The following NFYA variants were observed in gnomAD, a reference collection of about 807,000 sequenced individuals.
NFYA encodes CAAT-box DNA binding protein subunit A.
NFYA carries 28 observed loss-of-function variants against 52.8 expected under a neutral mutation model. That is an observed-to-expected ratio of 0.53 (90% CI 0.39 to 0.73). The LOEUF is 0.73. Among genes scored for constraint, NFYA ranks in the 30% least tolerant of loss-of-function variants. The probability of loss-of-function intolerance (pLI) is 0.00; values close to 1 mark genes in which losing one functional copy is unlikely to be tolerated. For synonymous variants in NFYA, 150 were observed against 150.7 expected (o/e 1.00, Z 0.03); for missense variants, 234 against 427.0 (o/e 0.55, Z 3.98).
In NFYA at chr6:41,101,526, G is replaced by T. The variant is rs1287444485; in HGVS notation, c.*4116G>T. 6.6e-6 allele frequency among the ~76,000 whole-genome samples: 1 copy of T among 152,062 alleles called. No individual in the cohort carries two copies. Among genetic ancestry groups the T allele is most frequent in the Admixed American group, 6.6e-5 (1 of 15,258 alleles). ...GCGTTCTGTTTCAATTATTTTATTC[G>T]TTCAGTTAATTCGTTCTTGGCGTCA... On this transcript the variant is annotated 3_prime_UTR_variant, in exon 10 of 10. Transcript: ENST00000341376.
intron 3 of NFYA, among the ~76,000 whole-genome samples, chr6:41,083,834 T>A (rs919078871): frequency 6.6e-6 from 1 of 152,238 alleles, no homozygotes; most frequent in Non-Finnish European, 1.5e-5. Flanking sequence ...TATTCTCCAT[T>A]ATGTCTGACC....
chr6:41,089,783 A>G lies in NFYA; in HGVS notation c.441+73A>G, dbSNP rs1178182617. 3.9e-6 allele frequency: 6 copies of G among 1,531,104 alleles called. No homozygotes were observed. In the East Asian group the frequency reaches 9.1e-5, roughly 23 times the overall value. The allele number at this position is 1,531,104 out of a possible 1,614,324, so 94.8% of individuals were successfully genotyped here. A position where few individuals can be genotyped will look rare whatever the true frequency, so the allele number is the denominator to read the frequency against. ...GTCAGATAACTGAGTCAGATATTTC[A>G]TGTATAGCATGTATAGTAGAAAAGG... On this transcript the variant is annotated intron_variant, in intron 5 of 9. Coordinates refer to ENST00000341376, the MANE Select transcript of NFYA (RefSeq NM_002505.5).
intron 4 of NFYA, among the ~76,000 whole-genome samples, chr6:41,085,225 C>G (rs1764012665): frequency 6.6e-6 from 1 of 152,194 alleles, no homozygotes; most frequent in South Asian, 2.1e-4. Flanking sequence ...AGAATCTGTC[C>G]TATAGGAAGA....
chr6:41,095,109 T>C (rs1451233437), intron 9 of NFYA, among the ~76,000 whole-genome samples: 2 of 152,188 alleles, frequency 1.3e-5, no homozygotes, highest in Non-Finnish European at 2.9e-5. Context: ...CACATCCTAG[T>C]GTGATCTTTT....
rs1024684451 is a variant in NFYA, at chr6:41,089,845, C to T, written c.441+135C>T. 47 of 1,243,906 alleles carry T rather than the reference C, an allele frequency of 3.8e-5. No homozygotes were observed. The African/African-American group carries it at 3.8e-4, about 10-fold the overall frequency. The allele number at this position is 1,243,906 out of a possible 1,614,324, so 77.1% of individuals were successfully genotyped here. A position where few individuals can be genotyped will look rare whatever the true frequency, so the allele number is the denominator to read the frequency against. On this transcript the variant is annotated intron_variant, in intron 5 of 9. Coordinates refer to ENST00000341376, the MANE Select transcript of NFYA (RefSeq NM_002505.5). ...ATAAAAAAATATATTTTTGGCCGGG[C>T]GCGGTGGCTCATGCCTGTAATCCCA...
At chr6:41,078,538 G>GT (rs1389390000) in intron 1 of NFYA, among the ~76,000 whole-genome samples, 1 of 152,084 alleles carries the variant, frequency 6.6e-6, no homozygotes, top group Non-Finnish European at 1.5e-5. Context: ...ATATCATTCA[G>GT]TTTATCTAAT....
chr6:41,077,488 C>T (rs2114085747), intron 1 of NFYA, among the ~76,000 whole-genome samples: 1 of 152,198 alleles, frequency 6.6e-6, no homozygotes, highest in South Asian at 2.1e-4. Context: ...TAAATGGAAT[C>T]ATATATATTC....
At chr6:41,082,914 A>G (rs1168304847) in intron 3 of NFYA, among the ~76,000 whole-genome samples, 3 of 152,312 alleles carry the variant, frequency 2.0e-5, no homozygotes, top group African/African-American at 4.8e-5. Flanking sequence ...ATTCTAATAC[A>G]TTAGTGGTGG....
In NFYA at chr6:41,100,058, G is replaced by C. The variant is rs1764457773; in HGVS notation, c.*2648G>C. ...TTGAAATTTTGATCTCCCCCGACAA[G>C]ACTTGTCTGCATGGACGGTGTCTCT... On this transcript the variant is annotated 3_prime_UTR_variant, in exon 10 of 10. Coordinates refer to ENST00000341376, the MANE Select transcript of NFYA (RefSeq NM_002505.5). 1 of 152,180 alleles carries C rather than the reference G, an allele frequency of 6.6e-6. No homozygotes were observed. Among genetic ancestry groups the C allele is most frequent in the Non-Finnish European group, 1.5e-5 (1 of 68,036 alleles). 9.4% of individuals were successfully genotyped at this position (152,180 alleles called of 1,614,324 possible).
At position 41,102,083 on chromosome 6, in the gene NFYA, C is replaced by T. The variant is rs1764515911; in HGVS notation, c.*4673C>T. 6.6e-6 allele frequency: 1 copy of T among 152,322 alleles called. No homozygotes were observed. Among genetic ancestry groups the T allele is most frequent in the East Asian group, 1.9e-4 (1 of 5,184 alleles). 9.4% of individuals were successfully genotyped at this position (152,322 alleles called of 1,614,324 possible). On this transcript the variant is annotated 3_prime_UTR_variant, in exon 10 of 10. Transcript: ENST00000341376. ...GTGACATGGACAAACTGGCCCATAT[C>T]TTCAGTTATTACATTAGTGACATCG...
At position 41,100,515 on chromosome 6, in the gene NFYA, A is replaced by G. The variant is rs1389730527; in HGVS notation, c.*3105A>G. 6.7e-6 allele frequency among the ~76,000 whole-genome samples: 1 copy of G among 150,202 alleles called. No individual in the cohort carries two copies. Among genetic ancestry groups the G allele is most frequent in the Non-Finnish European group, 1.5e-5 (1 of 67,062 alleles). ...CAAGAGACAAACAGCCCGAGGAAGC[A>G]CTCAATGATGAGAGCAGTAGACCTG... is the stretch of plus-strand genomic sequence containing the variant. On this transcript the variant is annotated 3_prime_UTR_variant, in exon 10 of 10. Transcript: ENST00000341376.
At position 41,092,998 on chromosome 6, in the gene NFYA, G is replaced by A. The variant is rs1220558564; in HGVS notation, c.801G>A (p.Val267=). 1 of 1,614,082 alleles carries A rather than the reference G, an allele frequency of 6.2e-7. No individual in the cohort carries two copies. The highest frequency in any genetic ancestry group is 1.1e-5 in the South Asian group (1 of 91,076). The change falls in exon 8 of 10, where the codon GTG becomes GTA. Residue 267 remains valine, a synonymous_variant. Transcript: ENST00000341376. ...TGCTTGAAGAAGAGCCTCTCTACGTGAATGCCAAACAATACCACCGTATTC... is the reference window on the plus strand; with the variant it reads ...TGCTTGAAGAAGAGCCTCTCTACGTAAATGCCAAACAATACCACCGTATTC... The part of the protein sequence containing the change: ...AEMLEEEPLY[V]NAKQYHRILK...
chr6:41,100,705 G>A lies in NFYA; in HGVS notation c.*3295G>A, dbSNP rs1764475538. On this transcript the variant is annotated 3_prime_UTR_variant, in exon 10 of 10. Transcript: ENST00000341376. ...CCAAGATTCTACTCTGTGGTATGAG[G>A]GAAAGACCTCTCGATATTTATCTCA... is the stretch of plus-strand genomic sequence containing the variant. Among the ~76,000 whole-genome samples the A allele has an allele frequency of 6.6e-6, 1 of 152,218 alleles. No individual in the cohort carries two copies. The highest frequency in any genetic ancestry group is 1.9e-4 in the East Asian group (1 of 5,196).
At chr6:41,095,342 G>GAT (rs1764318278) in intron 9 of NFYA, among the ~76,000 whole-genome samples, 1 of 152,178 alleles carries the variant, frequency 6.6e-6, no homozygotes, top group Non-Finnish European at 1.5e-5. Flanking sequence ...TTTGTCCTTA[G>GAT]AATTTTCAGT....
At chr6:41,088,731 T>C (rs564159738) in intron 4 of NFYA, among the ~76,000 whole-genome samples, 3 of 151,882 alleles carry the variant, frequency 2.0e-5, no homozygotes, top group South Asian at 4.2e-4. Context: ...ACCACAGGCA[T>C]GTCCTACCAT....
rs1385517158 is a variant in NFYA, at chr6:41,080,915, T to G, written c.162+18T>G. On this transcript the variant is annotated intron_variant, in intron 3 of 9. Transcript: ENST00000341376. ...TCCAGGTAGTGGTACCCTCTCTGAT[T>G]CTCTGTGAGCACTGCATGAACTTCT... is the stretch of plus-strand genomic sequence containing the variant. 6.2e-7 allele frequency: 1 copy of G among 1,603,182 alleles called. No individual in the cohort carries two copies. Among genetic ancestry groups the G allele is most frequent in the Non-Finnish European group, 8.5e-7 (1 of 1,170,124 alleles).
At position 41,101,512 on chromosome 6, in the gene NFYA, C is replaced by A. The variant is rs192954502; in HGVS notation, c.*4102C>A. Among the ~76,000 whole-genome samples the A allele has an allele frequency of 3.9e-5, 6 of 152,260 alleles. No homozygotes were observed. The highest frequency in any genetic ancestry group is 2.0e-4 in the Admixed American group (3 of 15,296). ...GCATTTTCTATTAAGCGTTCTGTTTCAATTATTTTATTCGTTCAGTTAATT... is the reference window on the plus strand; with the variant it reads ...GCATTTTCTATTAAGCGTTCTGTTTAAATTATTTTATTCGTTCAGTTAATT... On this transcript the variant is annotated 3_prime_UTR_variant, in exon 10 of 10. Transcript: ENST00000341376.
chr6:41,094,017 T>C (rs888454704), intron 8 of NFYA, among the ~76,000 whole-genome samples: 2 of 152,228 alleles, frequency 1.3e-5, no homozygotes, highest in African/African-American at 2.4e-5. Flanking sequence ...AGTGAAACCC[T>C]GTTTCTAGAA....
intron 1 of NFYA, among the ~76,000 whole-genome samples, chr6:41,078,761 A>G (rs1405054729): frequency 8.5e-5 from 13 of 152,196 alleles, no homozygotes; most frequent in Admixed American, 7.2e-4. Flanking sequence ...CTTAACGAGT[A>G]TCTCTTAGGT....
Sources: allele counts gnomAD v4.1 joint callset (sites outside exome capture counted in the v4.1 genomes callset), GRCh38; gene constraint gnomAD v4.1.1; transcripts MANE v1.5; gene names NCBI Gene and HGNC (gene_info 2026-07-23, HGNC 2026-07-21).